Variants in RANBP3L observed in about 807,000 individuals in gnomAD.
RANBP3L encodes ran-binding protein 3-like.
In RANBP3L, 56 loss-of-function variants were observed where a neutral mutation model predicts 67.2. The observed-to-expected ratio is 0.83, with a 90% confidence interval of 0.67 to 1.04. RANBP3L has a LOEUF of 1.04. Among genes scored for constraint, RANBP3L ranks in the 50% least tolerant of loss-of-function variants. The pLI is 0.00. For synonymous variants in RANBP3L, 164 were observed against 181.4 expected, an observed-to-expected ratio of 0.90 and a Z score of 0.77; for missense variants, 496 against 535.5, an observed-to-expected ratio of 0.93 and a Z score of 0.73.
intron 2 of RANBP3L, among the ~76,000 whole-genome samples, chr5:36,270,846 C>CA (rs1750156344): frequency 6.6e-6 from 1 of 151,842 alleles, no homozygotes; most frequent in African/African-American, 2.4e-5. Context: ...ATTATGATGC[C>CA]AAAAAAAGCA....
chr5:36,301,511 C>A lies in RANBP3L; in HGVS notation c.-95G>T. ...GGCCTTCACCAGACACCCAGAAATACATAGATTCATGCAGATCTTGTCTTT... is the reference window on the plus strand; with the variant it reads ...GGCCTTCACCAGACACCCAGAAATAAATAGATTCATGCAGATCTTGTCTTT... On this transcript the variant is annotated 5_prime_UTR_variant, in exon 1 of 14. The change abolishes an upstream ATG in the 5' untranslated region. Coordinates refer to ENST00000296604, the MANE Select transcript of RANBP3L (RefSeq NM_145000.5). 1 of 821,156 alleles carries A rather than the reference C, an allele frequency of 1.2e-6. No homozygotes were observed. 50.9% of individuals were successfully genotyped at this position (821,156 alleles called of 1,614,324 possible). A position where few individuals can be genotyped will look rare whatever the true frequency, so the allele number is the denominator to read the frequency against.
Position 36,277,428 on chromosome 5 carries a change from A to C in RANBP3L, c.92-6117T>G, listed in dbSNP as rs530314567. Among the ~76,000 whole-genome samples the C allele has an allele frequency of 6.7e-3, 610 of 90,466 alleles. 12 individuals are homozygous for C. The highest frequency in any genetic ancestry group is 0.024 in the African/African-American group (538 of 22,672). The allele number at this position is 90,466 out of a possible 152,430, so 59.3% of individuals were successfully genotyped here. On this transcript the variant is annotated intron_variant, in intron 1 of 13. Coordinates refer to ENST00000296604, the MANE Select transcript of RANBP3L (RefSeq NM_145000.5). The stretch of plus-strand genomic sequence containing the variant: ...TCTCTCTCTCTCTCTCTCTCTATAT[A>C]TATATATATATATGTGTGTGTGTGT...
At chr5:36,261,901 A>T (rs1749417525) in intron 7 of RANBP3L, 38 bp downstream of exon 7, 1 of 950,300 alleles carries the variant, frequency 1.1e-6, no homozygotes, top group Non-Finnish European at 1.6e-6. Flanking sequence ...AGAATGCAAG[A>T]ATGAAAGGAC....
At chr5:36,261,282 C>G (rs1183063256) in intron 7 of RANBP3L, among the ~76,000 whole-genome samples, 1 of 152,098 alleles carries the variant, frequency 6.6e-6, no homozygotes, top group Admixed American at 6.6e-5. Flanking sequence ...TGTGCATTGG[C>G]TTAAATTTTT....
At chr5:36,250,012 G>A (rs1243933948) in intron 13 of RANBP3L, among the ~76,000 whole-genome samples, 1 of 151,786 alleles carries the variant, frequency 6.6e-6, no homozygotes, top group African/African-American at 2.4e-5. Context: ...AGGGGAAAGG[G>A]GGTTCATATG....
chr5:36,251,710 T>A (rs1748607969), intron 12 of RANBP3L, among the ~76,000 whole-genome samples: 1 of 152,164 alleles, frequency 6.6e-6, no homozygotes, highest in Admixed American at 6.6e-5. Context: ...GCAATCCCAA[T>A]GTACACATTT....
chr5:36,292,887 C>A (rs1177789546), intron 1 of RANBP3L, among the ~76,000 whole-genome samples: 1 of 151,576 alleles, frequency 6.6e-6, no homozygotes, highest in Non-Finnish European at 1.5e-5. Context: ...GATGCGGGCT[C>A]TTTTTTGGTT....
intron 1 of RANBP3L, among the ~76,000 whole-genome samples, chr5:36,286,770 C>T (rs1291273681): frequency 1.3e-5 from 2 of 152,146 alleles, no homozygotes; most frequent in African/African-American, 4.8e-5. Context: ...ATTTCTAAAA[C>T]TCAGTCTTTG....
At chr5:36,297,275 G>A (rs1752286866) in intron 1 of RANBP3L, among the ~76,000 whole-genome samples, 1 of 151,134 alleles carries the variant, frequency 6.6e-6, no homozygotes, top group East Asian at 2.0e-4. Context: ...TTGTCATTAA[G>A]GTCTTCATCA....
chr5:36,296,905 T>A (rs978114116), intron 1 of RANBP3L, among the ~76,000 whole-genome samples: 1 of 151,390 alleles, frequency 6.6e-6, no homozygotes, highest in Non-Finnish European at 1.5e-5. Context: ...CAGAATTAGC[T>A]CTTCACTTGG....
intron 1 of RANBP3L, among the ~76,000 whole-genome samples, chr5:36,284,778 C>T (rs1258801442): frequency 6.6e-6 from 1 of 152,174 alleles, no homozygotes; most frequent in African/African-American, 2.4e-5. Context: ...TGCACTGATA[C>T]ATCTGTATTT....
At chr5:36,268,900 T>C (rs1446760610) in intron 4 of RANBP3L, among the ~76,000 whole-genome samples, 2 of 151,934 alleles carry the variant, frequency 1.3e-5, no homozygotes, top group Non-Finnish European at 2.9e-5. Context: ...TTAGTAGAGA[T>C]GGGGTTTCAC....
chr5:36,298,369 A>C (rs187537901), intron 1 of RANBP3L, among the ~76,000 whole-genome samples: 1 of 152,154 alleles, frequency 6.6e-6, no homozygotes, highest in Non-Finnish European at 1.5e-5. Flanking sequence ...GAAGTGTCGA[A>C]TGTCAATTAA....
chr5:36,257,449 C>A lies in RANBP3L; in HGVS notation c.772+5G>T. On this transcript the variant is annotated splice_donor_5th_base_variant and intron_variant, in intron 9 of 13. Coordinates refer to ENST00000296604, the MANE Select transcript of RANBP3L (RefSeq NM_145000.5). ...CTAATGTTTTACAAATGAAAGAATTCTTACTTGAACTTAAAAAGTTGACAG... is the reference window on the plus strand; with the variant it reads ...CTAATGTTTTACAAATGAAAGAATTATTACTTGAACTTAAAAAGTTGACAG... 1 of 1,407,370 alleles carries A rather than the reference C, an allele frequency of 7.1e-7. No individual in the cohort carries two copies. Among genetic ancestry groups the A allele is most frequent in the Non-Finnish European group, 1.0e-6 (1 of 1,002,296 alleles). The allele number at this position is 1,407,370 out of a possible 1,614,324, so 87.2% of individuals were successfully genotyped here.
intron 6 of RANBP3L, among the ~76,000 whole-genome samples, chr5:36,263,867 G>A (rs1322980875): frequency 6.6e-6 from 1 of 152,124 alleles, no homozygotes; most frequent in Non-Finnish European, 1.5e-5. Context: ...ATGTAACATG[G>A]TGATAATTAT....
chr5:36,255,417 A>T, intron 11 of RANBP3L, 53 bp downstream of exon 11: 3 of 1,564,672 alleles, frequency 1.9e-6, no homozygotes, highest in Non-Finnish European at 2.6e-6. Context: ...TATTATAAGT[A>T]CACAGGAGAA....
chr5:36,269,559 G>T, intron 3 of RANBP3L, 92 bp from the exon 4 acceptor site: 1 of 774,034 alleles, frequency 1.3e-6, no homozygotes, highest in Non-Finnish European at 2.3e-6. Flanking sequence ...ATTTTCTTTT[G>T]TCTACACAGA....
intron 1 of RANBP3L, among the ~76,000 whole-genome samples, chr5:36,289,623 C>T (rs1057282169): frequency 6.6e-6 from 1 of 152,104 alleles, no homozygotes; most frequent in East Asian, 1.9e-4. Context: ...TTAAATTAAT[C>T]CGTATTTCCT....
chr5:36,298,292 T>C (rs138133999), intron 1 of RANBP3L, among the ~76,000 whole-genome samples: 27 of 141,234 alleles, frequency 1.9e-4, no homozygotes, highest in African/African-American at 7.1e-4. Context: ...AGAGTGAGAC[T>C]CCATCTTAAA....
Sources: gnomAD v4.1 joint callset for allele counts (sites outside exome capture counted in the v4.1 genomes callset) on GRCh38, gnomAD v4.1.1 for gene constraint, MANE v1.5 for transcripts, NCBI Gene and HGNC (gene_info 2026-07-23, HGNC 2026-07-21) for gene names.